The following CDCA7L variants were observed in gnomAD, a reference collection of about 807,000 sequenced individuals.
CDCA7L encodes cell division cycle associated 7 like.
In CDCA7L, 44 loss-of-function variants were observed where a neutral mutation model predicts 57.4. The ratio of observed to expected loss-of-function variants is 0.77; its 90% CI spans 0.60 to 0.98. The LOEUF (loss-of-function observed/expected upper bound fraction) is 0.98. Ranked by LOEUF, CDCA7L falls within the 50% of genes least tolerant of loss-of-function variation. CDCA7L has a pLI of 0.00. For missense variants in CDCA7L, 644 were observed against 580.6 expected, an observed-to-expected ratio of 1.11 and a Z score of -1.12; for synonymous variants, 236 against 202.8, an observed-to-expected ratio of 1.16 and a Z score of -1.39.
intron 1 of CDCA7L, among the ~76,000 whole-genome samples, chr7:21,942,643 T>A (rs896973327): frequency 6.6e-6 from 1 of 152,224 alleles, no homozygotes; most frequent in Non-Finnish European, 1.5e-5. Context: ...ATGTTTGTAA[T>A]TGTTTTAGGC....
Position 21,901,412 on chromosome 7 carries a change from C to G in CDCA7L, c.*910G>C. On this transcript the variant is annotated 3_prime_UTR_variant, in exon 10 of 10. Transcript: ENST00000406877. ...TTAGAGTGAAAGTCAGAAAAAAATA[C>G]TAGAAACTAACTCAGGGCTGAGCGT... The G allele has an allele frequency of 9.3e-7, 1 of 1,074,212 alleles. No homozygotes were observed. Among genetic ancestry groups the G allele is most frequent in the East Asian group, 3.0e-5 (1 of 33,778 alleles). The allele number at this position is 1,074,212 out of a possible 1,614,324, so 66.5% of individuals were successfully genotyped here.
chr7:21,945,673 T>A, intron 1 of CDCA7L, 108 bp downstream of exon 1: 2 of 1,405,160 alleles, frequency 1.4e-6, no homozygotes, highest in Non-Finnish European at 2.0e-6. Flanking sequence ...AGATCCCCAG[T>A]GCCGCAGCCA....
intron 8 of CDCA7L, among the ~76,000 whole-genome samples, chr7:21,903,519 TTGTC>T (rs1265497304): frequency 3.3e-5 from 5 of 151,808 alleles, no homozygotes; most frequent in East Asian, 3.9e-4. Context: ...AGCAGTTTGT[TTGTC>T]TGTCAGTTGA....
intron 7 of CDCA7L, among the ~76,000 whole-genome samples, chr7:21,904,989 T>C (rs56249828): frequency 0.26 from 38,956 of 152,112 alleles, 5,777 homozygotes; most frequent in Non-Finnish European, 0.32. Context: ...ATACCTTCAA[T>C]GTGAGATCTA....
intron 1 of CDCA7L, among the ~76,000 whole-genome samples, chr7:21,944,347 A>G (rs1304067581): frequency 1.3e-5 from 2 of 148,380 alleles, no homozygotes; most frequent in Non-Finnish European, 3.0e-5. Flanking sequence ...GCTACTCGGG[A>G]CGCTGAGGCA....
rs776257349 is a variant in CDCA7L at position 21,916,809 on chromosome 7, G to T, written c.110C>A (p.Thr37Asn). ...VGFRDDVPME[T>N]LSSEESCDSF... ...ATCGCAGCTCTCCTCTGACGAGAGG[G>T]TTTCCATGGGAACATCATCTCGGAA... The change falls in exon 2 of 10, where the codon ACC (threonine) becomes AAC (asparagine). Residue 37 changes from threonine (T) to asparagine (N), a missense_variant. Transcript: ENST00000406877. 3.1e-6 allele frequency: 5 copies of T among 1,613,968 alleles called. No homozygotes were observed. In the East Asian group the frequency reaches 1.1e-4, roughly 36 times the overall value.
At chr7:21,906,792 T>G (rs748645278) in intron 4 of CDCA7L, among the ~76,000 whole-genome samples, 153 bp from the exon 5 acceptor site, 62 of 152,176 alleles carry the variant, frequency 4.1e-4, no homozygotes, top group Non-Finnish European at 6.9e-4. Context: ...TAACCTCACA[T>G]GTAAAGATTG....
chr7:21,937,479 CA>C lies in CDCA7L; in HGVS notation c.24+8301del, dbSNP rs901101080. Among the ~76,000 whole-genome samples, 412 of 150,600 alleles carry C rather than the reference CA, an allele frequency of 2.7e-3. 2 individuals are homozygous for C. The highest frequency in any genetic ancestry group is 9.6e-3 in the African/African-American group (396 of 41,086). On this transcript the variant is annotated intron_variant, in intron 1 of 9. Transcript: ENST00000406877. ...GTGAAACCCCATCTCTACTAAAATA[CA>C]AAAAAAAATTAGCCAGGCATGGCAG...
At chr7:21,924,054 G>C (rs766436751) in intron 1 of CDCA7L, among the ~76,000 whole-genome samples, 1 of 152,166 alleles carries the variant, frequency 6.6e-6, no homozygotes, top group East Asian at 1.9e-4. Context: ...TTAACGTGAA[G>C]TATTGTTCAT....
intron 1 of CDCA7L, among the ~76,000 whole-genome samples, chr7:21,945,436 C>CA (rs1244090777): frequency 6.6e-6 from 1 of 151,928 alleles, no homozygotes; most frequent in Non-Finnish European, 1.5e-5. Flanking sequence ...GGGGAGTGCA[C>CA]AAAAAAAGCC....
intron 2 of CDCA7L, 59 bp from the exon 3 acceptor site, chr7:21,911,813 G>C: frequency 6.5e-7 from 1 of 1,530,058 alleles, no homozygotes; most frequent in Non-Finnish European, 8.8e-7. Flanking sequence ...TACCAGGGAA[G>C]GGTAGAATGA....
At chr7:21,921,361 G>A (rs1483582422) in intron 1 of CDCA7L, among the ~76,000 whole-genome samples, 1 of 65,366 alleles carries the variant, frequency 1.5e-5, no homozygotes, top group Admixed American at 1.3e-4. Flanking sequence ...AAAAAAAACT[G>A]TAAAATATTC....
chr7:21,906,155 G>C (rs751659616), intron 6 of CDCA7L, 134 bp downstream of exon 6: 3 of 793,016 alleles, frequency 3.8e-6, no homozygotes, highest in Non-Finnish European at 6.0e-6. Context: ...CTGGGAAGCA[G>C]AGAGAAATGC....
intron 1 of CDCA7L, among the ~76,000 whole-genome samples, chr7:21,935,824 T>C (rs1786145448): frequency 6.6e-6 from 1 of 152,094 alleles, no homozygotes; most frequent in South Asian, 2.1e-4. Context: ...CTGGCCAAGA[T>C]GGTGAAACCC....
At chr7:21,941,971 C>T (rs1049206048) in intron 1 of CDCA7L, among the ~76,000 whole-genome samples, 2 of 152,188 alleles carry the variant, frequency 1.3e-5, no homozygotes, top group African/African-American at 4.8e-5. Context: ...CAGGAGCCAG[C>T]TGAGCTCTGG....
intron 1 of CDCA7L, among the ~76,000 whole-genome samples, chr7:21,932,002 C>G (rs1030850938): frequency 1.3e-5 from 2 of 152,134 alleles, no homozygotes; most frequent in African/African-American, 2.4e-5. Flanking sequence ...CACAAGCATT[C>G]CTATATACCA....
chr7:21,937,598 A>G (rs1198330187), intron 1 of CDCA7L, among the ~76,000 whole-genome samples: 2 of 151,606 alleles, frequency 1.3e-5, no homozygotes, highest in Non-Finnish European at 2.9e-5. Flanking sequence ...AGATTGCACC[A>G]CTGCACCCTA....
chr7:21,905,831 A>G (rs1583842014), intron 6 of CDCA7L, 200 bp from the exon 7 acceptor site: 3 of 573,786 alleles, frequency 5.2e-6, no homozygotes, highest in East Asian at 6.3e-5. Context: ...ATACAATCAT[A>G]AAGGAGGAAC....
Position 21,911,743 on chromosome 7 carries a change from G to T in CDCA7L, c.177C>A (p.Arg59=). 1 of 1,612,358 alleles carries T rather than the reference G, an allele frequency of 6.2e-7. No homozygotes were observed. ...CTTCTGTGAAGTATTTGGAATGAAA[G>T]CGCACATCCTGCTAAATTAAAGACA... ...SLESGKQQDV[R]FHSKYFTEEL... Residue 59 remains arginine, a synonymous_variant, in exon 3 of 10, where the codon CGC becomes CGA. Transcript: ENST00000406877.
Sources: allele counts gnomAD v4.1 joint callset (sites outside exome capture counted in the v4.1 genomes callset), GRCh38; gene constraint gnomAD v4.1.1; transcripts MANE v1.5; gene names NCBI Gene and HGNC (gene_info 2026-07-23, HGNC 2026-07-21).